CADM2: variants seen among roughly 807,000 people sequenced by gnomAD.
CADM2 encodes immunoglobulin superfamily member 4D.
In CADM2, 12 loss-of-function variants were observed where a neutral mutation model predicts 49.8. That is an observed-to-expected ratio of 0.24 (90% CI 0.15 to 0.39). The LOEUF (loss-of-function observed/expected upper bound fraction) is 0.39. Among genes scored for constraint, CADM2 ranks in the 10% least tolerant of loss-of-function variants. The pLI is 1.00. For missense variants in CADM2, 378 were observed against 492.3 expected (o/e 0.77, Z 2.20); for synonymous variants, 214 against 175.4 (o/e 1.22, Z -1.74).
chr3:85,743,790 G>A (rs2068493597), intron 2 of CADM2, among the ~76,000 whole-genome samples: 1 of 151,980 alleles, frequency 6.6e-6, no homozygotes, highest in African/African-American at 2.4e-5. Context: ...AGATTCTAAA[G>A]TATTTATTAA....
rs1235406450 is a variant in CADM2 at position 85,568,532 on chromosome 3, C to CTG, written c.62-157989_62-157988insGT. 1.6e-5 allele frequency among the ~76,000 whole-genome samples: 2 copies of CTG among 124,648 alleles called. 1 individual carries two copies. The highest frequency in any genetic ancestry group is 3.3e-5 in the Non-Finnish European group (2 of 60,200). 81.8% of individuals were successfully genotyped at this position (124,648 alleles called of 152,430 possible). A position where few individuals can be genotyped will look rare whatever the true frequency, so the allele number is the denominator to read the frequency against. On this transcript the variant is annotated intron_variant, in intron 1 of 9. Transcript: ENST00000383699. The stretch of plus-strand genomic sequence containing the variant: ...CTTTCTTTCCTCCCTCCCTCCCTCT[C>CTG]TCTTTTCTTTCTTTCTTTCTCTTTC...
At chr3:85,262,093 AATGTCTGCAATT>A (rs1474774306) in intron 1 of CADM2, among the ~76,000 whole-genome samples, 2 of 152,088 alleles carry the variant, frequency 1.3e-5, no homozygotes, top group Non-Finnish European at 1.5e-5. Context: ...TTATGTCCAA[AATGTCTGCAATT>A]ATATAAATAA....
chr3:86,041,338 T>G (rs1735897623), intron 8 of CADM2, among the ~76,000 whole-genome samples: 1 of 152,026 alleles, frequency 6.6e-6, no homozygotes, highest in African/African-American at 2.4e-5. Context: ...AGGAAACCCA[T>G]CTCACTTGCA....
Position 86,066,869 on chromosome 3 carries a change from C to T in CADM2, c.*86C>T. 1.1e-6 allele frequency: 1 copy of T among 874,632 alleles called. No individual in the cohort carries two copies. Among genetic ancestry groups the T allele is most frequent in the Non-Finnish European group, 1.9e-6 (1 of 520,196 alleles). 54.2% of individuals were successfully genotyped at this position (874,632 alleles called of 1,614,324 possible). A position where few individuals can be genotyped will look rare whatever the true frequency, so the allele number is the denominator to read the frequency against. ...ATCTTTCAGAAGTCATTTCTACCAT[C>T]GTCTGCTACCCTTATTAACTCCCAT... On this transcript the variant is annotated 3_prime_UTR_variant, in exon 10 of 10. Transcript: ENST00000383699.
At chr3:85,331,959 G>A (rs796085188) in intron 1 of CADM2, among the ~76,000 whole-genome samples, 14 of 152,150 alleles carry the variant, frequency 9.2e-5, no homozygotes, top group African/African-American at 3.4e-4. Context: ...CTTTAGCAGT[G>A]GAGGAGAGCA....
chr3:86,053,688 G>C (rs1737600521), intron 8 of CADM2, among the ~76,000 whole-genome samples: 1 of 151,900 alleles, frequency 6.6e-6, no homozygotes, highest in Non-Finnish European at 1.5e-5. Flanking sequence ...TTCAGCTTGG[G>C]TCAGGTTCAG....
chr3:85,047,195 T>G (rs1181291640), intron 1 of CADM2, among the ~76,000 whole-genome samples: 1 of 152,112 alleles, frequency 6.6e-6, no homozygotes, highest in African/African-American at 2.4e-5. Flanking sequence ...CCCTTTTCCT[T>G]TAGATCTGTC....
chr3:85,359,666 A>ATATATATATATTTTTTTTTTT lies in CADM2; in HGVS notation c.62-366855_62-366854insATATATATATTTTTTTTTTTT. Reference sequence around the variant, plus strand: ...TATATATATATATATATATATATATATTTTTTTTTTTGGTGGAGGGGAGAA... The same window carrying ATATATATATATTTTTTTTTTT: ...TATATATATATATATATATATATATATATATATATATTTTTTTTTTTTTTTTTTTTTTGGTGGAGGGGAGAA... On this transcript the variant is annotated intron_variant, in intron 1 of 9. Coordinates refer to ENST00000383699, the MANE Select transcript of CADM2 (RefSeq NM_001167675.2). 3.8e-4 allele frequency among the ~76,000 whole-genome samples: 10 copies of ATATATATATATTTTTTTTTTT among 26,536 alleles called. 1 individual carries two copies. Among genetic ancestry groups the ATATATATATATTTTTTTTTTT allele is most frequent in the African/African-American group, 1.1e-3 (10 of 9,356 alleles). 17.4% of individuals were successfully genotyped at this position (26,536 alleles called of 152,430 possible). A position where few individuals can be genotyped will look rare whatever the true frequency, so the allele number is the denominator to read the frequency against.
chr3:85,333,961 A>G (rs1356499407), intron 1 of CADM2, among the ~76,000 whole-genome samples: 3 of 151,726 alleles, frequency 2.0e-5, no homozygotes, highest in Non-Finnish European at 3.0e-5. Flanking sequence ...ATATGAGTAA[A>G]ATAATGTTTT....
chr3:85,446,697 G>A lies in CADM2; in HGVS notation c.62-279825G>A, dbSNP rs540258196. Among the ~76,000 whole-genome samples the A allele has an allele frequency of 8.8e-5, 13 of 147,664 alleles. No homozygotes were observed. In the South Asian group the frequency reaches 2.8e-3, roughly 32 times the overall value. ...AGCTCACCGCAACCTCCCCATCCCA[G>A]GTTCAAGCGATTCTCCTGCCTCAGC... On this transcript the variant is annotated intron_variant, in intron 1 of 9. Transcript: ENST00000383699.
intron 1 of CADM2, among the ~76,000 whole-genome samples, chr3:85,124,174 T>G (rs759738123): frequency 6.6e-6 from 1 of 152,178 alleles, no homozygotes; most frequent in African/African-American, 2.4e-5. Context: ...ATAATTGCAT[T>G]TGAAAGAATG....
intron 1 of CADM2, among the ~76,000 whole-genome samples, chr3:85,584,249 CA>C (rs1322826791): frequency 1.3e-5 from 2 of 151,964 alleles, no homozygotes; most frequent in Non-Finnish European, 2.9e-5. Context: ...ATGCAGGTGT[CA>C]GGAAAGCAGT....
intron 1 of CADM2, among the ~76,000 whole-genome samples, chr3:85,343,366 C>A (rs1015720355): frequency 2.6e-5 from 4 of 152,072 alleles, no homozygotes; most frequent in African/African-American, 4.8e-5. Flanking sequence ...GAATAGAAAC[C>A]CAGATAACTT....
intron 1 of CADM2, among the ~76,000 whole-genome samples, chr3:85,257,742 G>A (rs1272447978): frequency 6.6e-6 from 1 of 152,076 alleles, no homozygotes; most frequent in East Asian, 1.9e-4. Flanking sequence ...TCTCAAGGAT[G>A]TGAATTCAAG....
At chr3:85,077,296 G>T (rs549137149) in intron 1 of CADM2, among the ~76,000 whole-genome samples, 1 of 152,196 alleles carries the variant, frequency 6.6e-6, no homozygotes, top group Middle Eastern at 3.4e-3. Flanking sequence ...TTTTTTATTG[G>T]AAAGGGTGAC....
chr3:85,658,576 G>GTGTATATATATA (rs1460728518), intron 1 of CADM2, among the ~76,000 whole-genome samples: 5 of 68,754 alleles, frequency 7.3e-5, no homozygotes, highest in African/African-American at 1.1e-4. Context: ...GGATATATGT[G>GTGTATATATATA]TATATATATA....
chr3:85,134,790 T>G (rs909648032), intron 1 of CADM2, among the ~76,000 whole-genome samples: 18 of 152,142 alleles, frequency 1.2e-4, no homozygotes, highest in African/African-American at 4.3e-4. Context: ...TTGTGCAAAT[T>G]TTTTAAAAAT....
At chr3:85,713,810 A>T (rs1366939774) in intron 1 of CADM2, among the ~76,000 whole-genome samples, 2 of 152,238 alleles carry the variant, frequency 1.3e-5, no homozygotes, top group African/African-American at 4.8e-5. Flanking sequence ...TGCTCTTTGA[A>T]TTAGCATGCC....
chr3:84,962,004 T>A (rs1042825337), intron 1 of CADM2, among the ~76,000 whole-genome samples: 5 of 152,118 alleles, frequency 3.3e-5, no homozygotes, highest in Non-Finnish European at 7.3e-5. Context: ...GAGTCTCTTT[T>A]ATTGAGTATG....
Sources: allele counts gnomAD v4.1 joint callset (sites outside exome capture counted in the v4.1 genomes callset), GRCh38; gene constraint gnomAD v4.1.1; transcripts MANE v1.5; gene names NCBI Gene and HGNC (gene_info 2026-07-23, HGNC 2026-07-21).